The following NCR1 variants were observed in gnomAD, a reference collection of about 807,000 sequenced individuals.
The protein encoded by NCR1 is natural cytotoxicity triggering receptor 1, also known as NK cell-activating receptor.
NCR1 carries 30 observed loss-of-function variants against 32.5 expected under a neutral mutation model. That is an observed-to-expected ratio of 0.92 (90% CI 0.69 to 1.25). NCR1 has a LOEUF of 1.25. NCR1 is among the 50% of genes most tolerant of loss of function. NCR1 has a pLI of 0.00. For missense variants in NCR1, 369 were observed against 380.7 expected (o/e 0.97, Z 0.26); for synonymous variants, 169 against 143.4 (o/e 1.18, Z -1.28).
At chr19:54,903,185 T>C (rs2067331935), upstream of NCR1, among the ~76,000 whole-genome samples, 1 of 151,508 alleles carries the variant, frequency 6.6e-6, no homozygotes, top group South Asian at 2.1e-4. Context: ...ATACAACTAG[T>C]CTTGTACAGT....
chr19:54,904,987 G>C (rs1371924757), upstream of NCR1, among the ~76,000 whole-genome samples: 1 of 152,192 alleles, frequency 6.6e-6, no homozygotes, highest in Admixed American at 6.5e-5. Context: ...GTCCACCTCT[G>C]ATGGGACCTG....
the NCR1 span, among the ~76,000 whole-genome samples, chr19:54,925,382 G>C: frequency 6.6e-6 from 1 of 152,164 alleles, no homozygotes; most frequent in Admixed American, 6.5e-5. Context: ...TTGAACTGCA[G>C]ACGTGTGAAA....
At chr19:54,899,602 GCCC>G in the NCR1 span, among the ~76,000 whole-genome samples, 1 of 151,964 alleles carries the variant, frequency 6.6e-6, no homozygotes, top group Non-Finnish European at 1.5e-5. Context: ...GGGGATTCTT[GCCC>G]CCTAGAAAAG....
At chr19:54,932,284 C>T in the NCR1 span, among the ~76,000 whole-genome samples, 1 of 152,132 alleles carries the variant, frequency 6.6e-6, no homozygotes, top group African/African-American at 2.4e-5. Context: ...AAAAATTAGC[C>T]AGGCATGGTG....
rs2067813736 is a variant in NCR1 at position 54,909,264 on chromosome 19, C to A, written c.375C>A (p.Thr125=). The change falls in exon 4 of 7, where the codon ACC becomes ACA. Residue 125 remains threonine, a synonymous_variant. Transcript: ENST00000291890. ...TCATAGAAATGTATGACACACCCAC[C>A]CTCTCGGTTCATCCTGGACCCGAAG... ...LVVTEMYDTP[T]LSVHPGPEVI... 1.9e-6 allele frequency: 3 copies of A among 1,613,066 alleles called. No homozygotes were observed. The highest frequency in any genetic ancestry group is 1.7e-5 in the Admixed American group (1 of 59,978).
At chr19:54,932,099 G>A in the NCR1 span, among the ~76,000 whole-genome samples, 45,777 of 151,936 alleles carry the variant, frequency 0.3, 7,214 homozygotes, top group East Asian at 0.41. Context: ...GGTACACTTC[G>A]TATAACGATC....
the NCR1 span, among the ~76,000 whole-genome samples, chr19:54,929,641 C>T: frequency 1.3e-5 from 2 of 152,112 alleles, no homozygotes; most frequent in African/African-American, 4.8e-5. Context: ...TTCCTGATTA[C>T]TGGATCCCAG....
chr19:54,924,741 G>C, the NCR1 span, among the ~76,000 whole-genome samples: 13 of 152,166 alleles, frequency 8.5e-5, no homozygotes, highest in African/African-American at 3.1e-4. Flanking sequence ...TTCGAGACCA[G>C]CCTGGCCAAC....
chr19:54,922,238 C>T, the NCR1 span, among the ~76,000 whole-genome samples: 1 of 152,106 alleles, frequency 6.6e-6, no homozygotes, highest in African/African-American at 2.4e-5. Context: ...CGTGGAGAGC[C>T]AAGTGAGGAG....
chr19:54,920,324 G>A (rs1479034643), downstream of NCR1, among the ~76,000 whole-genome samples: 1 of 152,136 alleles, frequency 6.6e-6, no homozygotes, highest in East Asian at 1.9e-4. Context: ...GTGGGGGCAG[G>A]CTCAGGCTCA....
chr19:54,917,659 T>C (rs113395526), downstream of NCR1, among the ~76,000 whole-genome samples: 606 of 152,170 alleles, frequency 4.0e-3, 3 homozygotes, highest in African/African-American at 0.014. Flanking sequence ...TGCTGGGTGA[T>C]TTTGCTCTCC....
the NCR1 span, chr19:54,934,394 G>A: frequency 7.9e-6 from 10 of 1,264,728 alleles, no homozygotes; most frequent in Admixed American, 1.7e-5. This position sits in a 1 kb window ranked among gnomAD's most constrained non-coding sequence, Gnocchi z 6.7. Flanking sequence ...TCAGCAAGAG[G>A]CGCCACGTGG....
chr19:54,920,210 C>T (rs955061105), downstream of NCR1, among the ~76,000 whole-genome samples: 1 of 152,144 alleles, frequency 6.6e-6, no homozygotes, highest in Non-Finnish European at 1.5e-5. Flanking sequence ...CACATCTTTG[C>T]AATTGTGAAT....
the NCR1 span, chr19:54,934,399 A>G: frequency 7.5e-7 from 1 of 1,336,256 alleles, no homozygotes; most frequent in Non-Finnish European, 1.1e-6. The surrounding 1 kb of genome is among the most constrained non-coding windows in gnomAD (Gnocchi z 6.7). Flanking sequence ...AAGAGGCGCC[A>G]CGTGGGTGGC....
At position 54,909,512 on chromosome 19, in the gene NCR1, T is replaced by C; in HGVS notation, c.623T>C (p.Leu208Pro). Reference sequence around the variant, plus strand: ...TCTTTCCCCAGTGAGCCAGTGAAGCTCCTGGTCACAGGTGAGGAAATGCTC... The same window carrying C: ...TCTTTCCCCAGTGAGCCAGTGAAGCCCCTGGTCACAGGTGAGGAAATGCTC... ...AWSFPSEPVK[L>P]LVTGDIENTS... Residue 208 changes from leucine to proline, a missense_variant, in exon 4 of 7, where the codon CTC becomes CCC. Coordinates refer to ENST00000291890, the MANE Select transcript of NCR1 (RefSeq NM_004829.7). 5 of 1,604,668 alleles carry C rather than the reference T, an allele frequency of 3.1e-6. No individual in the cohort carries two copies. Among genetic ancestry groups the C allele is most frequent in the Non-Finnish European group, 3.4e-6 (4 of 1,179,458 alleles).
the NCR1 span, chr19:54,933,450 C>A: frequency 7.5e-7 from 1 of 1,326,686 alleles, no homozygotes; most frequent in East Asian, 2.5e-5. Context: ...TGGCCTCTGC[C>A]TGTTCTTTAA....
upstream of NCR1, among the ~76,000 whole-genome samples, chr19:54,901,348 G>A (rs8107890): frequency 0.44 from 54,833 of 125,158 alleles, 11,832 homozygotes; most frequent in Non-Finnish European, 0.49. Flanking sequence ...GTGACAGAGC[G>A]AGAGTCCATC....
Position 54,906,512 on chromosome 19 carries a change from T to C in NCR1, c.71-11T>C. ...GCTCCGCTGGAACTCCAGCCTCTGA[T>C]TCCCTTCCAGAGACTCTCCCAAAAC... is the stretch of plus-strand genomic sequence containing the variant. On this transcript the variant is annotated splice_polypyrimidine_tract_variant and intron_variant, in intron 2 of 6. Coordinates refer to ENST00000291890, the MANE Select transcript of NCR1 (RefSeq NM_004829.7). 1 of 1,603,672 alleles carries C rather than the reference T, an allele frequency of 6.2e-7. No individual in the cohort carries two copies. Among genetic ancestry groups the C allele is most frequent in the Non-Finnish European group, 8.5e-7 (1 of 1,179,202 alleles).
upstream of NCR1, among the ~76,000 whole-genome samples, chr19:54,904,182 A>G (rs1373757085): frequency 6.6e-6 from 1 of 150,990 alleles, no homozygotes; most frequent in Non-Finnish European, 1.5e-5. Flanking sequence ...TTCTTTTCTT[A>G]TTAAGTTCTT....
Sources: allele counts gnomAD v4.1 joint callset (sites outside exome capture counted in the v4.1 genomes callset), GRCh38; gene constraint gnomAD v4.1.1; non-coding constraint Gnocchi (gnomAD v3.1); transcripts MANE v1.5; gene names NCBI Gene and HGNC (gene_info 2026-07-23, HGNC 2026-07-21).